The following CYS1 variants were observed in gnomAD, a reference collection of about 807,000 sequenced individuals.
The protein encoded by CYS1 is cystin-1.
CYS1 carries 5 observed loss-of-function variants against 9.6 expected under a neutral mutation model. The ratio of observed to expected loss-of-function variants is 0.52; its 90% CI spans 0.27 to 1.10. The LOEUF (loss-of-function observed/expected upper bound fraction) is 1.10, where lower values mean the gene tolerates loss of function less well. Among genes scored for constraint, CYS1 ranks in the 50% least tolerant of loss-of-function variants. The pLI is 0.11. For missense variants in CYS1, 221 were observed against 207.9 expected, an observed-to-expected ratio of 1.06 and a Z score of -0.39; for synonymous variants, 88 against 95.7, an observed-to-expected ratio of 0.92 and a Z score of 0.47.
chr2:10,072,096 T>C (rs1021084503), intron 1 of CYS1, among the ~76,000 whole-genome samples: 4 of 152,198 alleles, frequency 2.6e-5, no homozygotes, highest in African/African-American at 9.7e-5. Flanking sequence ...ACTTTTTTTT[T>C]TTTTGAGACA....
chr2:10,078,685 C>T (rs552380393), intron 1 of CYS1, among the ~76,000 whole-genome samples: 2 of 152,334 alleles, frequency 1.3e-5, no homozygotes, highest in Admixed American at 1.3e-4. Context: ...ATACGGATCT[C>T]TCATCGCCCT....
chr2:10,064,817 A>T (rs1661673533), intron 2 of CYS1, among the ~76,000 whole-genome samples: 1 of 151,850 alleles, frequency 6.6e-6, no homozygotes, highest in South Asian at 2.1e-4. Flanking sequence ...TCCCGGGTTC[A>T]AGTGATTCTC....
chr2:10,077,864 C>G (rs1366064889), intron 1 of CYS1, among the ~76,000 whole-genome samples: 3 of 152,066 alleles, frequency 2.0e-5, no homozygotes, highest in Non-Finnish European at 4.4e-5. Context: ...AATCCCAGCA[C>G]TTTCGGAGAC....
rs1661582128 is a variant in CYS1, at chr2:10,058,586, G to A, written c.*267C>T. On this transcript the variant is annotated 3_prime_UTR_variant, in exon 3 of 3. Coordinates refer to ENST00000381813, the MANE Select transcript of CYS1 (RefSeq NM_001037160.3). Reference sequence around the variant, plus strand: ...TTCAGGCTCCAGAAGAACTGGGCAGGCTCCCCGCGTTGGGGAGGAGGCGCC... The same window carrying A: ...TTCAGGCTCCAGAAGAACTGGGCAGACTCCCCGCGTTGGGGAGGAGGCGCC... 2.6e-6 allele frequency: 1 copy of A among 380,962 alleles called. No homozygotes were observed. Among genetic ancestry groups the A allele is most frequent in the Non-Finnish European group, 4.8e-6 (1 of 208,532 alleles). The allele number at this position is 380,962 out of a possible 1,614,324, so 23.6% of individuals were successfully genotyped here. A position where few individuals can be genotyped will look rare whatever the true frequency, so the allele number is the denominator to read the frequency against.
intron 1 of CYS1, among the ~76,000 whole-genome samples, chr2:10,078,369 C>G (rs1473175640): frequency 6.6e-6 from 1 of 152,218 alleles, no homozygotes; most frequent in Non-Finnish European, 1.5e-5. Context: ...AAAACACAAA[C>G]TGTCACAATC....
chr2:10,075,396 G>A (rs1661829790), intron 1 of CYS1, among the ~76,000 whole-genome samples: 1 of 152,186 alleles, frequency 6.6e-6, no homozygotes, highest in South Asian at 2.1e-4. Flanking sequence ...TTGGGGGTCC[G>A]CACCATCCTT....
intron 2 of CYS1, 101 bp downstream of exon 2, chr2:10,065,803 G>T: frequency 8.6e-7 from 1 of 1,162,900 alleles, no homozygotes; most frequent in African/African-American, 1.5e-5. Flanking sequence ...AACCTCGTGA[G>T]GACCTGGAGG....
intron 1 of CYS1, among the ~76,000 whole-genome samples, chr2:10,072,885 C>T (rs1422037868): frequency 6.6e-6 from 1 of 151,246 alleles, no homozygotes; most frequent in Non-Finnish European, 1.5e-5. Context: ...TGCAGGCAGG[C>T]TGTGAGTCGG....
chr2:10,080,112 C>A lies in CYS1; in HGVS notation c.112G>T (p.Val38Leu), dbSNP rs1661923498. 2 of 1,027,524 alleles carry A rather than the reference C, an allele frequency of 1.9e-6. No homozygotes were observed. The highest frequency in any genetic ancestry group is 2.3e-6 in the Non-Finnish European group (2 of 858,812). The allele number at this position is 1,027,524 out of a possible 1,614,324, so 63.7% of individuals were successfully genotyped here. The change falls in exon 1 of 3, where the codon GTG becomes TTG. Residue 38 changes from valine to leucine, a missense_variant. Coordinates refer to ENST00000381813, the MANE Select transcript of CYS1 (RefSeq NM_001037160.3). This position sits in a 1 kb window ranked among gnomAD's most constrained non-coding sequence, Gnocchi z 6.4. ...GGGACCTCGGCCGCCGCCACCGGCA[C>A]CCGCCGGCGGGTCCCGCCCTCCAGG... is the stretch of plus-strand genomic sequence containing the variant. ...AALEGGTRRR[V>L]PVAAAEVPGA... is the part of the protein sequence containing the mutation.
In CYS1 at chr2:10,064,333, G is replaced by C. The variant is rs1357024016; in HGVS notation, c.371+1571C>G. Among the ~76,000 whole-genome samples, 3 of 152,234 alleles carry C rather than the reference G, an allele frequency of 2.0e-5. No homozygotes were observed. In the East Asian group the frequency reaches 5.8e-4, roughly 29 times the overall value. The stretch of plus-strand genomic sequence containing the variant: ...ATATGTCAGGGGTGTCCTGGAATGT[G>C]CACGTGTAGAAGTCAGAAGAAGTAA... On this transcript the variant is annotated intron_variant, in intron 2 of 2. Coordinates refer to ENST00000381813, the MANE Select transcript of CYS1 (RefSeq NM_001037160.3).
chr2:10,075,422 G>T (rs185020460), intron 1 of CYS1, among the ~76,000 whole-genome samples: 1 of 152,314 alleles, frequency 6.6e-6, no homozygotes, highest in African/African-American at 2.4e-5. Context: ...TTGTCCCCTG[G>T]ATCAATTGAA....
chr2:10,078,100 C>T (rs569964959), intron 1 of CYS1, among the ~76,000 whole-genome samples: 59 of 99,576 alleles, frequency 5.9e-4, no homozygotes, highest in Admixed American at 4.3e-3. Flanking sequence ...AGTGAAACTC[C>T]GTTTCAAAAA....
At position 10,076,512 on chromosome 2, in the gene CYS1, C is replaced by T. The variant is rs1176019482; in HGVS notation, c.318+3394G>A. Among the ~76,000 whole-genome samples, 1 of 152,158 alleles carries T rather than the reference C, an allele frequency of 6.6e-6. No individual in the cohort carries two copies. Among genetic ancestry groups the T allele is most frequent in the Non-Finnish European group, 1.5e-5 (1 of 68,034 alleles). On this transcript the variant is annotated intron_variant, in intron 1 of 2. Coordinates refer to ENST00000381813, the MANE Select transcript of CYS1 (RefSeq NM_001037160.3). The surrounding 1 kb of genome is among the most constrained non-coding windows in gnomAD (Gnocchi z 4.3). ...TCTCACCAAGGACCTTGAGACCTCCCGAGTGGCTCAATTCAACCACCAGCT... is the reference window on the plus strand; with the variant it reads ...TCTCACCAAGGACCTTGAGACCTCCTGAGTGGCTCAATTCAACCACCAGCT...
chr2:10,080,101 C>G lies in CYS1; in HGVS notation c.123G>C (p.Ala41=). The G allele has an allele frequency of 9.7e-7, 1 of 1,026,878 alleles. No homozygotes were observed. The highest frequency in any genetic ancestry group is 4.7e-4 in the Middle Eastern group (1 of 2,142). 63.6% of individuals were successfully genotyped at this position (1,026,878 alleles called of 1,614,324 possible). The change falls in exon 1 of 3, where the codon GCG becomes GCC. Residue 41 remains alanine (A), a synonymous_variant. Transcript: ENST00000381813. This position sits in a 1 kb window ranked among gnomAD's most constrained non-coding sequence, Gnocchi z 6.4. ...CGGCTGCCCCCGGGACCTCGGCCGCCGCCACCGGCACCCGCCGGCGGGTCC... is the reference window on the plus strand; with the variant it reads ...CGGCTGCCCCCGGGACCTCGGCCGCGGCCACCGGCACCCGCCGGCGGGTCC... ...EGGTRRRVPV[A]AAEVPGAAAE...
At position 10,057,001 on chromosome 2, in the gene CYS1, A is replaced by C. The variant is rs574351309; in HGVS notation, c.*1852T>G. The C allele has an allele frequency of 2.0e-5, 3 of 152,238 alleles. 1 individual carries two copies. Among genetic ancestry groups the C allele is most frequent in the African/African-American group, 7.2e-5 (3 of 41,542 alleles). The allele number at this position is 152,238 out of a possible 1,614,324, so 9.4% of individuals were successfully genotyped here. The stretch of plus-strand genomic sequence containing the variant: ...TGATATAGCTTGTAACTACTTTTGG[A>C]ATTTTTTTCCCCTAACACTTTGATC... On this transcript the variant is annotated 3_prime_UTR_variant, in exon 3 of 3. Transcript: ENST00000381813.
Position 10,080,090 on chromosome 2 carries a change from AC to A in CYS1, c.133del (p.Val45SerfsTer104), listed in dbSNP as rs1661922416. On this transcript the variant is annotated frameshift_variant, in exon 1 of 3. Coordinates refer to ENST00000381813, the MANE Select transcript of CYS1 (RefSeq NM_001037160.3). LOFTEE classifies it high-confidence loss of function. This position sits in a 1 kb window ranked among gnomAD's most constrained non-coding sequence, Gnocchi z 6.4. ...RRRVPVAAAEVPGAAAEEAPG... is the reference protein window; with the variant it reads ...RRRVPVAAAEXPGAAAEEAPG... ...CGCCTCCTCCGCGGCTGCCCCCGGG[AC>A]CTCGGCCGCCGCCACCGGCACCCGC... 1 of 1,025,596 alleles carries A rather than the reference AC, an allele frequency of 9.8e-7. No homozygotes were observed. The highest frequency in any genetic ancestry group is 1.2e-6 in the Non-Finnish European group (1 of 859,380). 63.5% of individuals were successfully genotyped at this position (1,025,596 alleles called of 1,614,324 possible). A position where few individuals can be genotyped will look rare whatever the true frequency, so the allele number is the denominator to read the frequency against.
chr2:10,070,645 ATATT>A (rs995013328), intron 1 of CYS1, among the ~76,000 whole-genome samples: 3 of 149,590 alleles, frequency 2.0e-5, no homozygotes, highest in African/African-American at 5.0e-5. Context: ...TGCGCCTGGC[ATATT>A]TATTTATTTA....
rs144899302 is a variant in CYS1 at position 10,057,245 on chromosome 2, C to G, written c.*1608G>C. 8.5e-5 allele frequency: 13 copies of G among 152,400 alleles called. No individual in the cohort carries two copies. In the East Asian group the frequency reaches 2.5e-3, roughly 29 times the overall value. 9.4% of individuals were successfully genotyped at this position (152,400 alleles called of 1,614,324 possible). On this transcript the variant is annotated 3_prime_UTR_variant, in exon 3 of 3. Transcript: ENST00000381813. ...ATAGTAACGACTTCCATCTTTACAT[C>G]AAAAGAAACGGGCTTGCATAAGCAA...
Position 10,058,975 on chromosome 2 carries a change from G to A in CYS1, c.372-17C>T, listed in dbSNP as rs771849443. 30 of 1,564,156 alleles carry A rather than the reference G, an allele frequency of 1.9e-5. No individual in the cohort carries two copies. Among genetic ancestry groups the A allele is most frequent in the Non-Finnish European group, 2.6e-5 (30 of 1,155,752 alleles). ...CCTGGGGCTCTGTGGGTCAGAAATG[G>A]GACAGGGCTGTCAGGAGGCAGGATG... On this transcript the variant is annotated splice_polypyrimidine_tract_variant and intron_variant, in intron 2 of 2. Transcript: ENST00000381813.
Sources: allele counts gnomAD v4.1 joint callset (sites outside exome capture counted in the v4.1 genomes callset), GRCh38; gene constraint gnomAD v4.1.1; non-coding constraint Gnocchi (gnomAD v3.1); transcripts MANE v1.5; gene names NCBI Gene and HGNC (gene_info 2026-07-23, HGNC 2026-07-21).